The following COPB1 variants were observed in gnomAD, a reference collection of about 807,000 sequenced individuals.
COPB1 encodes coat protein complex I subunit beta 1, also known as coatomer subunit beta.
In COPB1, 21 loss-of-function variants were observed where a neutral mutation model predicts 108.7. That is an observed-to-expected ratio of 0.19 (90% CI 0.14 to 0.28). The LOEUF is 0.28. COPB1 is among the 10% of genes least tolerant of loss of function. COPB1 has a pLI of 1.00. For missense variants in COPB1, 919 were observed against 1,141.3 expected (o/e 0.81, Z 2.81); for synonymous variants, 378 against 386.8 (o/e 0.98, Z 0.27).
intron 15 of COPB1, 147 bp downstream of exon 15, chr11:14,469,189 G>T: frequency 1.4e-6 from 1 of 690,076 alleles, no homozygotes; most frequent in Non-Finnish European, 2.5e-6. Flanking sequence ...TTGAGACAGG[G>T]GCTTGCTATG....
intron 4 of COPB1, among the ~76,000 whole-genome samples, chr11:14,491,189 C>T (rs1850893818): frequency 6.6e-6 from 1 of 152,050 alleles, no homozygotes; most frequent in African/African-American, 2.4e-5. Context: ...GGACTACAGG[C>T]ACGTGCCACC....
In COPB1 at chr11:14,493,945, CTTG is replaced by C. The variant is rs1292835899; in HGVS notation, c.322-137_322-135del. On this transcript the variant is annotated intron_variant, in intron 3 of 21. Coordinates refer to ENST00000439561, the MANE Select transcript of COPB1 (RefSeq NM_001144061.2). ...GATTACCGACAATTTCCATCATATT[CTTG>C]TTGACTGAAGCAATTTTTACCTATC... is the stretch of plus-strand genomic sequence containing the variant. 3.5e-6 allele frequency: 3 copies of C among 858,860 alleles called. No homozygotes were observed. The African/African-American group carries it at 5.1e-5, about 15-fold the overall frequency. The allele number at this position is 858,860 out of a possible 1,614,324, so 53.2% of individuals were successfully genotyped here. A position where few individuals can be genotyped will look rare whatever the true frequency, so the allele number is the denominator to read the frequency against.
chr11:14,480,770 C>T lies in COPB1; in HGVS notation c.1201G>A (p.Val401Ile). The T allele has an allele frequency of 6.2e-7, 1 of 1,613,386 alleles. No individual in the cohort carries two copies. Among genetic ancestry groups the T allele is most frequent in the Non-Finnish European group, 8.5e-7 (1 of 1,179,790 alleles). The part of the protein sequence containing the change: ...SVRFPDMAAN[V>I]IPVLMEFLSD... ...TCAGAATTACATACCACAGGAATAA[C>T]ATTTGCAGCCATATCTGGAAATCGG... The change falls in exon 10 of 22, where the codon GTT (valine) becomes ATT (isoleucine). Residue 401 changes from valine (V) to isoleucine (I), a missense_variant. Val to Ile is a conservative substitution (Grantham distance 29). This residue lies in a region of COPB1 where 705 missense variants were observed against 817.8 expected (regional missense o/e 0.86). Coordinates refer to ENST00000439561, the MANE Select transcript of COPB1 (RefSeq NM_001144061.2).
rs948745258 is a variant in COPB1 at position 14,469,271 on chromosome 11, A to G, written c.1965+65T>C. ...CTCAGCCTCCCAAAGTGCTGGGATTACAGGCGTGAGCCACTGCACGAAGAG... is the reference window on the plus strand; with the variant it reads ...CTCAGCCTCCCAAAGTGCTGGGATTGCAGGCGTGAGCCACTGCACGAAGAG... On this transcript the variant is annotated intron_variant, in intron 15 of 21. Transcript: ENST00000439561. 7 of 1,330,004 alleles carry G rather than the reference A, an allele frequency of 5.3e-6. No homozygotes were observed. The African/African-American group carries it at 1.0e-4, about 19-fold the overall frequency. 82.4% of individuals were successfully genotyped at this position (1,330,004 alleles called of 1,614,324 possible). A position where few individuals can be genotyped will look rare whatever the true frequency, so the allele number is the denominator to read the frequency against.
chr11:14,473,840 TAAA>T (rs60686212), intron 14 of COPB1, among the ~76,000 whole-genome samples: 1 of 138,426 alleles, frequency 7.2e-6, no homozygotes, highest in Non-Finnish European at 1.6e-5. Context: ...TTCATTTGTT[TAAA>T]AAAAAAAAAA....
intron 11 of COPB1, among the ~76,000 whole-genome samples, 164 bp from the exon 12 acceptor site, chr11:14,477,179 C>T (rs970107453): frequency 4.0e-5 from 6 of 150,488 alleles, no homozygotes; most frequent in South Asian, 2.1e-4. Flanking sequence ...GTCAGGAGAT[C>T]GAGACCATCC....
chr11:14,469,636 C>T lies in COPB1; in HGVS notation c.1738-73G>A, dbSNP rs180882969. Reference sequence around the variant, plus strand: ...TTGCAATCATGTCACTTCATTATAACTCACAATCTAAATTTTCACTTCACC... The same window carrying T: ...TTGCAATCATGTCACTTCATTATAATTCACAATCTAAATTTTCACTTCACC... On this transcript the variant is annotated intron_variant, in intron 14 of 21. Coordinates refer to ENST00000439561, the MANE Select transcript of COPB1 (RefSeq NM_001144061.2). The T allele has an allele frequency of 2.4e-6, 3 of 1,253,456 alleles. No individual in the cohort carries two copies. In the East Asian group the frequency reaches 7.3e-5, roughly 30 times the overall value. 77.6% of individuals were successfully genotyped at this position (1,253,456 alleles called of 1,614,324 possible). A position where few individuals can be genotyped will look rare whatever the true frequency, so the allele number is the denominator to read the frequency against.
At chr11:14,485,610 G>A (rs1482554480) in intron 7 of COPB1, among the ~76,000 whole-genome samples, 1 of 152,232 alleles carries the variant, frequency 6.6e-6, no homozygotes, top group African/African-American at 2.4e-5. Context: ...ATTTTGGGAA[G>A]CCGAGGTTAG....
rs1309645479 is a variant in COPB1, at chr11:14,464,972, T to G, written c.2349A>C (p.Ala783=). The change falls in exon 18 of 22, where the codon GCA becomes GCC. Residue 783 remains alanine (A), a synonymous_variant. Coordinates refer to ENST00000439561, the MANE Select transcript of COPB1 (RefSeq NM_001144061.2). The stretch of plus-strand genomic sequence containing the variant: ...CTACTTTGACGTTAGCTTTAATATT[T>G]GCGAAGTCATGAGGAGCAAGAGTCA... ...SPLTLAPHDF[A]NIKANVKVAS... The G allele has an allele frequency of 6.2e-7, 1 of 1,613,778 alleles. No homozygotes were observed. Among genetic ancestry groups the G allele is most frequent in the Admixed American group, 1.7e-5 (1 of 59,980 alleles).
chr11:14,474,010 T>C (rs1850464798), intron 14 of COPB1: 1 of 152,364 alleles, frequency 6.6e-6, no homozygotes, highest in South Asian at 2.1e-4. Flanking sequence ...AATCTGCAGG[T>C]GCAGAAGCTG....
chr11:14,486,242 T>G (rs1850771250), intron 7 of COPB1, 125 bp downstream of exon 7: 8 of 1,148,056 alleles, frequency 7.0e-6, no homozygotes, highest in South Asian at 1.5e-5. Context: ...TCAAATAATT[T>G]TATAAGTTTG....
At chr11:14,467,297 T>C (rs566710488) in intron 16 of COPB1, among the ~76,000 whole-genome samples, 3 of 152,172 alleles carry the variant, frequency 2.0e-5, no homozygotes, top group Non-Finnish European at 4.4e-5. Flanking sequence ...ACACTCATCA[T>C]CACTAATCAT....
chr11:14,467,858 A>G (rs565173626), intron 16 of COPB1, among the ~76,000 whole-genome samples: 2 of 152,302 alleles, frequency 1.3e-5, no homozygotes, highest in Admixed American at 6.5e-5. Flanking sequence ...AGAGACACAA[A>G]GTAGAATGGT....
chr11:14,475,909 C>G lies in COPB1; in HGVS notation c.1492G>C (p.Gly498Arg), dbSNP rs773114039. ...IVESEIKKEA[G>R]ELKPEEEITV... ...ATTTCTTCTTCAGGTTTTAATTCAC[C>G]AGCTTCTTTCTTTATTTCTGACTCT... Residue 498 changes from glycine to arginine, a missense_variant, in exon 13 of 22, where the codon GGT becomes CGT. Coordinates refer to ENST00000439561, the MANE Select transcript of COPB1 (RefSeq NM_001144061.2). 6.2e-7 allele frequency: 1 copy of G among 1,610,716 alleles called. No homozygotes were observed. The highest frequency in any genetic ancestry group is 1.1e-5 in the South Asian group (1 of 90,408).
intron 5 of COPB1, among the ~76,000 whole-genome samples, chr11:14,490,270 T>A (rs1291262432): frequency 2.0e-5 from 3 of 152,220 alleles, no homozygotes; most frequent in African/African-American, 7.2e-5. Flanking sequence ...CAATTTTAGA[T>A]CTATACCATC....
intron 21 of COPB1, among the ~76,000 whole-genome samples, chr11:14,458,326 G>A (rs1850072181): frequency 6.6e-6 from 1 of 151,826 alleles, no homozygotes; most frequent in Non-Finnish European, 1.5e-5. Context: ...GAATCAATCT[G>A]GTTTTAGGCA....
At chr11:14,466,714 T>A (rs1199689537) in intron 16 of COPB1, among the ~76,000 whole-genome samples, 1 of 152,196 alleles carries the variant, frequency 6.6e-6, no homozygotes, top group Admixed American at 6.5e-5. Flanking sequence ...AGTAGAAAAA[T>A]GTTAAATATA....
intron 6 of COPB1, among the ~76,000 whole-genome samples, chr11:14,487,703 CA>C (rs201074422): frequency 6.7e-6 from 1 of 148,700 alleles, no homozygotes; most frequent in Admixed American, 6.7e-5. Context: ...AAAAAAAAAA[CA>C]AAAAAAAACT....
chr11:14,479,501 G>C, intron 11 of COPB1, 68 bp downstream of exon 11: 1 of 1,445,312 alleles, frequency 6.9e-7, no homozygotes, highest in East Asian at 2.3e-5. Flanking sequence ...TCTATCAACT[G>C]ACCCTTTAAA....
Sources: allele counts gnomAD v4.1 joint callset (sites outside exome capture counted in the v4.1 genomes callset), GRCh38; gene constraint gnomAD v4.1.1; regional missense constraint gnomAD v4.1.1; transcripts MANE v1.5; gene names NCBI Gene and HGNC (gene_info 2026-07-23, HGNC 2026-07-21).